Variants in TESMIN observed in about 807,000 individuals in gnomAD.
TESMIN encodes the protein testis expressed metallothionein like protein, also known as CXC domain containing 2.
A neutral mutation model predicts 47.4 loss-of-function variants in TESMIN; 34 were observed. That is an observed-to-expected ratio of 0.72 (90% CI 0.55 to 0.96). The LOEUF is 0.96. Among genes scored for constraint, TESMIN ranks in the 40% least tolerant of loss-of-function variants. The pLI, the probability that TESMIN is intolerant of heterozygous loss-of-function variation, is 0.00. For missense variants in TESMIN, 610 were observed against 637.2 expected, an observed-to-expected ratio of 0.96 and a Z score of 0.46; for synonymous variants, 278 against 258.9, an observed-to-expected ratio of 1.07 and a Z score of -0.71.
At chr11:68,722,350 C>A (rs960794982) in intron 6 of TESMIN, among the ~76,000 whole-genome samples, 1 of 151,980 alleles carries the variant, frequency 6.6e-6, no homozygotes, top group Non-Finnish European at 1.5e-5. Context: ...ATGGTGGTTG[C>A]GCAACACTGT....
chr11:68,720,272 A>C (rs1486516480), intron 6 of TESMIN, among the ~76,000 whole-genome samples: 1 of 152,138 alleles, frequency 6.6e-6, no homozygotes, highest in African/African-American at 2.4e-5. Flanking sequence ...GAAGATTTTA[A>C]AATCTGTTTT....
intron 1 of TESMIN, 93 bp downstream of exon 1, chr11:68,751,327 G>GGGCCC (rs1946606083): frequency 6.5e-6 from 1 of 152,760 alleles, no homozygotes; most frequent in Non-Finnish European, 1.5e-5. Flanking sequence ...CCACCCGCAG[G>GGGCCC]GGCCCGACCC....
chr11:68,740,464 G>A (rs1946442821), intron 5 of TESMIN, among the ~76,000 whole-genome samples: 1 of 152,154 alleles, frequency 6.6e-6, no homozygotes. Flanking sequence ...TGGCCAAATG[G>A]GTGTTTCTCA....
intron 6 of TESMIN, among the ~76,000 whole-genome samples, chr11:68,716,408 G>A (rs1036617589): frequency 6.6e-6 from 1 of 152,234 alleles, no homozygotes; most frequent in Non-Finnish European, 1.5e-5. Context: ...ACCCAGAGGT[G>A]GAACCTGGCC....
At position 68,708,461 on chromosome 11, in the gene TESMIN, G is replaced by A. The variant is rs1946023087; in HGVS notation, c.1374C>T (p.Ala458=). The A allele has an allele frequency of 6.2e-7, 1 of 1,613,536 alleles. No individual in the cohort carries two copies. The highest frequency in any genetic ancestry group is 8.5e-7 in the Non-Finnish European group (1 of 1,179,766). ...CCTGAGCAAGCAGGCAGGCGCATGT[G>A]GCCTCCACCACCTCCCAGGAGATGC... ...SSCISWEVVE[A]TCACLLAQGE... is the part of the protein sequence containing the mutation. The change falls in exon 10 of 10, where the codon GCC becomes GCT. Residue 458 remains alanine (A), a synonymous_variant. Coordinates refer to ENST00000255087, the MANE Select transcript of TESMIN (RefSeq NM_004923.3).
intron 4 of TESMIN, among the ~76,000 whole-genome samples, chr11:68,743,234 CTTTTTTTTTT>C (rs57435562): frequency 2.4e-5 from 3 of 123,076 alleles, no homozygotes; most frequent in East Asian, 2.4e-4. Context: ...ACAGGAACTA[CTTTTTTTTTT>C]TTTTTTTTTT....
chr11:68,714,035 G>A (rs1463594113), intron 7 of TESMIN, among the ~76,000 whole-genome samples: 1 of 152,166 alleles, frequency 6.6e-6, no homozygotes, highest in East Asian at 1.9e-4. Flanking sequence ...TGTTATCCAG[G>A]TCTATTTGTT....
At chr11:68,716,729 G>A (rs1208051344) in intron 6 of TESMIN, among the ~76,000 whole-genome samples, 4 of 151,944 alleles carry the variant, frequency 2.6e-5, no homozygotes, top group Admixed American at 6.5e-5. Context: ...TTACAGGCAC[G>A]CGCTTTACCC....
rs539481931 is a variant in TESMIN, at chr11:68,738,921, T to C, written c.829-133A>G. ...ATCACCATCCCTTTATAACCATGTC[T>C]GGCCTTATTACCACAAGGAATCCAC... On this transcript the variant is annotated intron_variant, in intron 5 of 9. Transcript: ENST00000255087. 1.6e-4 allele frequency: 113 copies of C among 721,938 alleles called. No individual in the cohort carries two copies. In the African/African-American group the frequency reaches 1.6e-3, roughly 10 times the overall value. The allele number at this position is 721,938 out of a possible 1,614,324, so 44.7% of individuals were successfully genotyped here. A position where few individuals can be genotyped will look rare whatever the true frequency, so the allele number is the denominator to read the frequency against.
At chr11:68,732,048 G>A (rs1215846366) in intron 6 of TESMIN, among the ~76,000 whole-genome samples, 1 of 152,206 alleles carries the variant, frequency 6.6e-6, no homozygotes, top group Admixed American at 6.5e-5. Context: ...CCAGACAGTT[G>A]CATGTTGAGC....
chr11:68,708,320 C>T lies in TESMIN; in HGVS notation c.1515G>A (p.Leu505=). The change falls in exon 10 of 10, where the codon TTG becomes TTA. Residue 505 remains leucine (L), a synonymous_variant. Transcript: ENST00000255087. ...CACACTTTATACTCTACTCCATTTT[C>T]AATCCCTTAGATTTAAACTCAGTGT... is the stretch of plus-strand genomic sequence containing the variant. ...ILHTEFKSKG[L]KME is the part of the protein sequence containing the mutation. 23 of 1,602,352 alleles carry T rather than the reference C, an allele frequency of 1.4e-5. No individual in the cohort carries two copies. Among genetic ancestry groups the T allele is most frequent in the Non-Finnish European group, 2.0e-5 (23 of 1,175,022 alleles).
chr11:68,735,451 G>C (rs546315582), intron 6 of TESMIN, among the ~76,000 whole-genome samples: 1 of 152,332 alleles, frequency 6.6e-6, no homozygotes, highest in East Asian at 1.9e-4. Context: ...ACAGAGTCAG[G>C]AGGAGGCCGG....
At chr11:68,729,398 G>A (rs973775300) in intron 6 of TESMIN, among the ~76,000 whole-genome samples, 2 of 151,976 alleles carry the variant, frequency 1.3e-5, no homozygotes, top group Admixed American at 6.6e-5. Flanking sequence ...GGTGGTGGGC[G>A]CCTGTAATCC....
In TESMIN at chr11:68,711,256, GTGT is replaced by G. The variant is rs201344020; in HGVS notation, c.1159-210_1159-208del. ...GTATGAGTGTGTGTGGGGTGTGTGT[GTGT>G]TGAGTGTGAATGTGTAAGAGTGTGT... On this transcript the variant is annotated intron_variant, in intron 8 of 9. Transcript: ENST00000255087. Among the ~76,000 whole-genome samples, 1,455 of 151,508 alleles carry G rather than the reference GTGT, an allele frequency of 9.6e-3. 19 individuals are homozygous for G. Among genetic ancestry groups the G allele is most frequent in the African/African-American group, 0.034 (1,390 of 41,272 alleles).
chr11:68,722,556 ATG>A (rs1231081611), intron 6 of TESMIN, among the ~76,000 whole-genome samples: 6 of 152,208 alleles, frequency 3.9e-5, no homozygotes, highest in African/African-American at 1.4e-4. Flanking sequence ...ATAAGTCCCT[ATG>A]TGTCAATAAT....
At chr11:68,720,164 A>G (rs1946188609) in intron 6 of TESMIN, among the ~76,000 whole-genome samples, 1 of 152,150 alleles carries the variant, frequency 6.6e-6, no homozygotes, top group Non-Finnish European at 1.5e-5. Context: ...CAGTAAAAGT[A>G]TGTTTACTCA....
intron 2 of TESMIN, 22 bp from the exon 3 acceptor site, chr11:68,747,388 T>C (rs1158457281): frequency 6.3e-7 from 1 of 1,596,660 alleles, no homozygotes; most frequent in Admixed American, 1.7e-5. Flanking sequence ...CAATAATTAT[T>C]TTAGAGAACA....
chr11:68,716,592 A>G (rs1946142132), intron 6 of TESMIN, among the ~76,000 whole-genome samples: 1 of 152,212 alleles, frequency 6.6e-6, no homozygotes, highest in African/African-American at 2.4e-5. Context: ...CTGGGGCCAC[A>G]CAGGTGGGTG....
intron 6 of TESMIN, among the ~76,000 whole-genome samples, chr11:68,722,358 T>A (rs922204543): frequency 6.6e-6 from 1 of 152,208 alleles, no homozygotes; most frequent in South Asian, 2.1e-4. Context: ...TGCGCAACAC[T>A]GTGAATATAT....
Sources: allele counts gnomAD v4.1 joint callset (sites outside exome capture counted in the v4.1 genomes callset), GRCh38; gene constraint gnomAD v4.1.1; transcripts MANE v1.5; gene names NCBI Gene and HGNC (gene_info 2026-07-23, HGNC 2026-07-21).